Variants in PPP6C observed in about 807,000 individuals in gnomAD.
PPP6C encodes serine/threonine-protein phosphatase 6 catalytic subunit.
PPP6C carries 11 observed loss-of-function variants against 39.8 expected under a neutral mutation model. That is an observed-to-expected ratio of 0.28 (90% CI 0.17 to 0.46). PPP6C has a LOEUF of 0.46. Ranked by LOEUF, PPP6C falls within the 20% of genes least tolerant of loss-of-function variation. The probability of loss-of-function intolerance (pLI) is 1.00; values close to 1 mark genes in which losing one functional copy is unlikely to be tolerated. For synonymous variants in PPP6C, 129 were observed against 130.3 expected, an observed-to-expected ratio of 0.99 and a Z score of 0.07; for missense variants, 211 against 373.9, an observed-to-expected ratio of 0.56 and a Z score of 3.59.
intron 2 of PPP6C, among the ~76,000 whole-genome samples, chr9:125,165,162 G>A (rs966902580): frequency 5.3e-5 from 8 of 152,022 alleles, no homozygotes; most frequent in Admixed American, 2.0e-4. Context: ...AATCTTTTAT[G>A]TAAGTTTTAC....
chr9:125,163,869 C>T (rs534397540), intron 2 of PPP6C, among the ~76,000 whole-genome samples: 25 of 142,876 alleles, frequency 1.7e-4, no homozygotes, highest in Admixed American at 5.1e-4. Flanking sequence ...TTTTTTGAGA[C>T]GGAGTTTCGT....
At chr9:125,169,956 CAG>C in intron 2 of PPP6C, among the ~76,000 whole-genome samples, 1 of 152,260 alleles carries the variant, frequency 6.6e-6, no homozygotes, top group East Asian at 1.9e-4. Context: ...AGCCCCTAAT[CAG>C]AGTCAATTTA....
intron 1 of PPP6C, among the ~76,000 whole-genome samples, chr9:125,173,404 CAAAAAAA>C (rs1157793278): frequency 5.9e-5 from 3 of 50,750 alleles, no homozygotes; most frequent in East Asian, 1.3e-3. Context: ...GACTCCCTCT[CAAAAAAA>C]AAAAAAAAAA....
chr9:125,161,327 C>T (rs1828871805), intron 2 of PPP6C, among the ~76,000 whole-genome samples: 2 of 152,146 alleles, frequency 1.3e-5, no homozygotes, highest in Admixed American at 6.6e-5. Context: ...CATGACACTC[C>T]AGTGTTATAC....
chr9:125,151,980 T>G (rs1378470760), intron 6 of PPP6C, among the ~76,000 whole-genome samples: 2 of 152,292 alleles, frequency 1.3e-5, no homozygotes, highest in East Asian at 1.9e-4. Context: ...AGCCAACCCA[T>G]GTGTGAGCAG....
intron 3 of PPP6C, among the ~76,000 whole-genome samples, chr9:125,158,665 C>CT (rs973245979): frequency 6.0e-5 from 9 of 148,784 alleles, no homozygotes; most frequent in Non-Finnish European, 1.3e-4. Flanking sequence ...ATTTTTTTTT[C>CT]TTTTTTTTCT....
At chr9:125,167,528 C>A (rs1829048934) in intron 2 of PPP6C, among the ~76,000 whole-genome samples, 1 of 149,974 alleles carries the variant, frequency 6.7e-6, no homozygotes, top group African/African-American at 2.5e-5. Context: ...ATGGAAAAAC[C>A]CCATCTCAAC....
chr9:125,165,698 C>A (rs542262651), intron 2 of PPP6C, among the ~76,000 whole-genome samples: 2 of 151,468 alleles, frequency 1.3e-5, no homozygotes, highest in African/African-American at 4.8e-5. Context: ...ACTGTGCATA[C>A]TCTTTAAATA....
At chr9:125,171,324 G>A (rs1829142285) in intron 1 of PPP6C, 144 bp from the exon 2 acceptor site, 1 of 599,216 alleles carries the variant, frequency 1.7e-6, no homozygotes, top group Non-Finnish European at 2.7e-6. Context: ...ATAATTCGGG[G>A]GTTGGATTTC....
chr9:125,171,079 T>C lies in PPP6C; in HGVS notation c.171+6A>G. 6.5e-7 allele frequency: 1 copy of C among 1,546,600 alleles called. No individual in the cohort carries two copies. Among genetic ancestry groups the C allele is most frequent in the Non-Finnish European group, 8.8e-7 (1 of 1,135,920 alleles). On this transcript the variant is annotated splice_donor_region_variant and intron_variant, in intron 2 of 6. Coordinates refer to ENST00000373547, the MANE Select transcript of PPP6C (RefSeq NM_002721.5). Reference sequence around the variant, plus strand: ...AAAACTTAAAAATCTGCTCATGAAATTTTACCTGTCCATGGATATCTCCAC... The same window carrying C: ...AAAACTTAAAAATCTGCTCATGAAACTTTACCTGTCCATGGATATCTCCAC...
At chr9:125,189,603 G>T in intron 1 of PPP6C, 41 bp downstream of exon 1, 4 of 1,610,218 alleles carry the variant, frequency 2.5e-6, no homozygotes, top group Non-Finnish European at 3.4e-6. Context: ...GCCGGCGGGC[G>T]CCCCACAGCC....
At chr9:125,152,221 T>C (rs1380719001) in intron 6 of PPP6C, among the ~76,000 whole-genome samples, 1 of 152,110 alleles carries the variant, frequency 6.6e-6, no homozygotes, top group Non-Finnish European at 1.5e-5. Context: ...GGATTCTCTT[T>C]TGTACCTACT....
chr9:125,158,301 T>C lies in PPP6C; in HGVS notation c.319A>G (p.Ile107Val), dbSNP rs1350987139. ...LALKAKWPDR[I>V]TLLRGNHESR... Reference sequence around the variant, plus strand: ...TCATGATTTCCTCGCAAAAGTGTAATACGATCAGGCCATTTAGCCTTTAAT... The same window carrying C: ...TCATGATTTCCTCGCAAAAGTGTAACACGATCAGGCCATTTAGCCTTTAAT... Residue 107 changes from isoleucine to valine, a missense_variant, in exon 4 of 7, where the codon ATT becomes GTT. Coordinates refer to ENST00000373547, the MANE Select transcript of PPP6C (RefSeq NM_002721.5). The C allele has an allele frequency of 6.2e-7, 1 of 1,611,852 alleles. No individual in the cohort carries two copies.
In PPP6C at chr9:125,151,050, C is replaced by CT. The variant is rs2131295704; in HGVS notation, c.670-1130dup. 6 of 1,360,418 alleles carry CT rather than the reference C, an allele frequency of 4.4e-6. 1 individual carries two copies. The South Asian group carries it at 7.0e-5, about 16-fold the overall frequency. The allele number at this position is 1,360,418 out of a possible 1,614,324, so 84.3% of individuals were successfully genotyped here. A position where few individuals can be genotyped will look rare whatever the true frequency, so the allele number is the denominator to read the frequency against. On this transcript the variant is annotated intron_variant, in intron 6 of 6. Transcript: ENST00000373547. The stretch of plus-strand genomic sequence containing the variant: ...ACCTACATGCTTCTCAAATTCAGGG[C>CT]TTTTTTGATAACCCAGTGGACTATC...
Position 125,147,461 on chromosome 9 carries a change from C to T in PPP6C, c.*2212G>A, listed in dbSNP as rs543134898. The T allele has an allele frequency of 6.6e-6, 1 of 152,176 alleles. No homozygotes were observed. The highest frequency in any genetic ancestry group is 2.4e-5 in the African/African-American group (1 of 41,522). The allele number at this position is 152,176 out of a possible 1,614,324, so 9.4% of individuals were successfully genotyped here. ...TTTATTGGAGGGATCCAAAATATTC[C>T]TTGTAGGCTCACAAAGTCCAATACA... On this transcript the variant is annotated 3_prime_UTR_variant, in exon 7 of 7. Transcript: ENST00000373547.
At chr9:125,156,750 T>G (rs967790527) in intron 4 of PPP6C, among the ~76,000 whole-genome samples, 26 of 140,296 alleles carry the variant, frequency 1.9e-4, no homozygotes, top group African/African-American at 7.5e-4. Context: ...GCTCGCTCTC[T>G]CTCTCTCTCT....
intron 2 of PPP6C, among the ~76,000 whole-genome samples, chr9:125,165,795 C>CTTTTTTTT (rs781221037): frequency 0.024 from 2,763 of 113,338 alleles, 111 homozygotes; most frequent in African/African-American, 0.044. Context: ...TAATCTTTTG[C>CTTTTTTTT]TTTTTTTTTT....
intron 4 of PPP6C, among the ~76,000 whole-genome samples, chr9:125,157,523 G>A (rs76278694): frequency 0.033 from 5,069 of 152,058 alleles, 247 homozygotes; most frequent in African/African-American, 0.11. Context: ...TAGTGTGCAC[G>A]TGTTTGTACA....
intron 1 of PPP6C, among the ~76,000 whole-genome samples, chr9:125,186,378 G>A (rs535176405): frequency 1.3e-5 from 2 of 151,916 alleles, no homozygotes; most frequent in Non-Finnish European, 2.9e-5. Flanking sequence ...AGAAAAAAAA[G>A]TCTCTACCTA....
Sources: allele counts gnomAD v4.1 joint callset (sites outside exome capture counted in the v4.1 genomes callset), GRCh38; gene constraint gnomAD v4.1.1; transcripts MANE v1.5; gene names NCBI Gene and HGNC (gene_info 2026-07-23, HGNC 2026-07-21).